AGPAT4: variants seen among roughly 807,000 people sequenced by gnomAD.
AGPAT4 encodes the protein 1-acyl-sn-glycerol-3-phosphate acyltransferase delta.
AGPAT4 carries 15 observed loss-of-function variants against 48.0 expected under a neutral mutation model. The observed-to-expected ratio is 0.31, with a 90% CI of 0.21 to 0.48. AGPAT4 has a LOEUF of 0.48. Ranked by LOEUF, AGPAT4 falls within the 20% of genes least tolerant of loss-of-function variation. The pLI, the probability that AGPAT4 is intolerant of heterozygous loss-of-function variation, is 0.99. For missense variants in AGPAT4, 314 were observed against 482.5 expected, an observed-to-expected ratio of 0.65 and a Z score of 3.27; for synonymous variants, 178 against 198.7, an observed-to-expected ratio of 0.90 and a Z score of 0.88.
At chr6:161,268,556 C>A (rs1783332088) in intron 1 of AGPAT4, among the ~76,000 whole-genome samples, 1 of 152,124 alleles carries the variant, frequency 6.6e-6, no homozygotes, top group Non-Finnish European at 1.5e-5. Context: ...TCAAAATGCA[C>A]CTCTCGTCTT....
At position 161,231,549 on chromosome 6, in the gene AGPAT4, T is replaced by G. The variant is rs778677851; in HGVS notation, c.178+487A>C. Among the ~76,000 whole-genome samples, 1 of 152,116 alleles carries G rather than the reference T, an allele frequency of 6.6e-6. No individual in the cohort carries two copies. Among genetic ancestry groups the G allele is most frequent in the Non-Finnish European group, 1.5e-5 (1 of 68,036 alleles). ...CTCAGTATTATTTGTTACAGCTTCA[T>G]GTGAATCTATTATCTCAAAATAAAA... On this transcript the variant is annotated intron_variant, in intron 2 of 8. Transcript: ENST00000320285. This position sits in a 1 kb window ranked among gnomAD's most constrained non-coding sequence, Gnocchi z 5.3.
Position 161,154,339 on chromosome 6 carries a change from C to A in AGPAT4, c.349-29G>T, listed in dbSNP as rs765519050. The stretch of plus-strand genomic sequence containing the variant: ...AAACAGAAGAAGGAGCCCAGGTGCC[C>A]ATGAAGGAGACGTCAGAGCCACCTG... On this transcript the variant is annotated intron_variant, in intron 3 of 8. Transcript: ENST00000320285. This position sits in a 1 kb window ranked among gnomAD's most constrained non-coding sequence, Gnocchi z 7.8. 1 of 1,613,130 alleles carries A rather than the reference C, an allele frequency of 6.2e-7. No homozygotes were observed.
chr6:161,239,920 A>G (rs1205451616), intron 1 of AGPAT4, among the ~76,000 whole-genome samples: 4 of 152,188 alleles, frequency 2.6e-5, no homozygotes, highest in Non-Finnish European at 5.9e-5. Flanking sequence ...TAAGGACAAA[A>G]TTAACTTTCA....
intron 2 of AGPAT4, among the ~76,000 whole-genome samples, chr6:161,176,965 T>C (rs922615877): frequency 1.1e-4 from 17 of 152,246 alleles, no homozygotes; most frequent in Non-Finnish European, 1.9e-4. Flanking sequence ...TGTTCAATAT[T>C]GGCCCCCACT....
rs1780546262 is a variant in AGPAT4 at position 161,180,262 on chromosome 6, G to A, written c.179-13845C>T. On this transcript the variant is annotated intron_variant, in intron 2 of 8. Transcript: ENST00000320285. This position sits in a 1 kb window ranked among gnomAD's most constrained non-coding sequence, Gnocchi z 6.4. ...AGGCTCCTGCTCCTTCCTCGCTCCAGTGGGTGGGCCCAGCTCCTCTCTGCA... is the reference window on the plus strand; with the variant it reads ...AGGCTCCTGCTCCTTCCTCGCTCCAATGGGTGGGCCCAGCTCCTCTCTGCA... 6.6e-6 allele frequency among the ~76,000 whole-genome samples: 1 copy of A among 152,176 alleles called. No homozygotes were observed.
In AGPAT4 at chr6:161,262,937, G is replaced by A. The variant is rs1057113071; in HGVS notation, c.-90+11001C>T. ...GGAATGACCGAGGAAGAGAGGCCAG[G>A]AGGAGCAAAGCAAGCCCTGGGCTAT... On this transcript the variant is annotated intron_variant, in intron 1 of 8. Transcript: ENST00000320285. This position sits in a 1 kb window ranked among gnomAD's most constrained non-coding sequence, Gnocchi z 4.9. Among the ~76,000 whole-genome samples the A allele has an allele frequency of 6.6e-6, 1 of 152,190 alleles. No homozygotes were observed. Among genetic ancestry groups the A allele is most frequent in the Non-Finnish European group, 1.5e-5 (1 of 68,038 alleles).
Position 161,237,337 on chromosome 6 carries a change from G to A in AGPAT4, c.-89-5035C>T, listed in dbSNP as rs955414445. 2.0e-5 allele frequency among the ~76,000 whole-genome samples: 3 copies of A among 152,250 alleles called. No individual in the cohort carries two copies. In the South Asian group the frequency reaches 6.2e-4, roughly 31 times the overall value. On this transcript the variant is annotated intron_variant, in intron 1 of 8. Coordinates refer to ENST00000320285, the MANE Select transcript of AGPAT4 (RefSeq NM_020133.3). The stretch of plus-strand genomic sequence containing the variant: ...CTGAAAAAGTGTTGGCTATGAGTCT[G>A]TGTGAAAGGAATTCATGGCTATTTG...
Position 161,232,267 on chromosome 6 carries a change from C to G in AGPAT4, c.-54G>C. ...AATAACTACCCACAGTCAAAGATTTCCAGAAGGAAGAAAGATCCAGGACTC... is the reference window on the plus strand; with the variant it reads ...AATAACTACCCACAGTCAAAGATTTGCAGAAGGAAGAAAGATCCAGGACTC... On this transcript the variant is annotated 5_prime_UTR_variant, in exon 2 of 9. Coordinates refer to ENST00000320285, the MANE Select transcript of AGPAT4 (RefSeq NM_020133.3). This position sits in a 1 kb window ranked among gnomAD's most constrained non-coding sequence, Gnocchi z 6.8. 6.5e-7 allele frequency: 1 copy of G among 1,538,662 alleles called. No individual in the cohort carries two copies. Among genetic ancestry groups the G allele is most frequent in the Non-Finnish European group, 8.8e-7 (1 of 1,132,906 alleles).
chr6:161,217,156 C>A lies in AGPAT4; in HGVS notation c.178+14880G>T, dbSNP rs932614653. Among the ~76,000 whole-genome samples the A allele has an allele frequency of 1.3e-5, 2 of 152,178 alleles. No homozygotes were observed. Among genetic ancestry groups the A allele is most frequent in the African/African-American group, 4.8e-5 (2 of 41,438 alleles). On this transcript the variant is annotated intron_variant, in intron 2 of 8. Transcript: ENST00000320285. The surrounding 1 kb of genome is among the most constrained non-coding windows in gnomAD (Gnocchi z 4.9). ...TGGAGAAGGCAAGCCAGGGGAGGGG[C>A]GGAGTGAGCACAGGCGTGGGGACGC... is the stretch of plus-strand genomic sequence containing the variant.
In AGPAT4 at chr6:161,177,126, T is replaced by C. The variant is rs1028883527; in HGVS notation, c.179-10709A>G. ...AATCTGACAATTATGTGTCTTAGAG[T>C]TGCTCTTCTCGAGGAGTATCTTTGT... On this transcript the variant is annotated intron_variant, in intron 2 of 8. Transcript: ENST00000320285. This position sits in a 1 kb window ranked among gnomAD's most constrained non-coding sequence, Gnocchi z 5.0. Among the ~76,000 whole-genome samples, 3 of 152,174 alleles carry C rather than the reference T, an allele frequency of 2.0e-5. No individual in the cohort carries two copies. The highest frequency in any genetic ancestry group is 4.4e-5 in the Non-Finnish European group (3 of 68,026).
chr6:161,140,369 C>G lies in AGPAT4; in HGVS notation c.844-749G>C, dbSNP rs1779210849. The stretch of plus-strand genomic sequence containing the variant: ...CACTAAGCAGATCCTTAGTGGGAAC[C>G]ATGTACTCATCCACATCCACCCACA... On this transcript the variant is annotated intron_variant, in intron 7 of 8. Coordinates refer to ENST00000320285, the MANE Select transcript of AGPAT4 (RefSeq NM_020133.3). The surrounding 1 kb of genome is among the most constrained non-coding windows in gnomAD (Gnocchi z 6.5). 1.3e-5 allele frequency among the ~76,000 whole-genome samples: 2 copies of G among 152,210 alleles called. No individual in the cohort carries two copies. The highest frequency in any genetic ancestry group is 4.8e-5 in the African/African-American group (2 of 41,458).
intron 1 of AGPAT4, among the ~76,000 whole-genome samples, chr6:161,237,722 T>C (rs1043238183): frequency 2.6e-5 from 4 of 152,210 alleles, no homozygotes; most frequent in Admixed American, 2.0e-4. Flanking sequence ...GGATTATGGC[T>C]GATCTCCTTT....
intron 2 of AGPAT4, among the ~76,000 whole-genome samples, chr6:161,168,108 G>T (rs1351066789): frequency 6.6e-6 from 1 of 152,086 alleles, no homozygotes; most frequent in East Asian, 1.9e-4. Context: ...AGTTGGTTGT[G>T]GGGGCAGGAA....
At chr6:161,136,770 C>T (rs1779080936) in intron 8 of AGPAT4, 136 bp from the exon 9 acceptor site, 2 of 677,468 alleles carry the variant, frequency 3.0e-6, no homozygotes, top group Non-Finnish European at 5.2e-6. Context: ...TTTGAGGTGC[C>T]ATCATCCTGC....
intron 1 of AGPAT4, among the ~76,000 whole-genome samples, chr6:161,248,224 T>C (rs1166173364): frequency 6.6e-6 from 1 of 151,618 alleles, no homozygotes; most frequent in Non-Finnish European, 1.5e-5. Context: ...ACACCAACAA[T>C]AGACAAGCCA....
chr6:161,170,007 G>C (rs573728566), intron 2 of AGPAT4, among the ~76,000 whole-genome samples: 83 of 152,260 alleles, frequency 5.5e-4, no homozygotes, highest in African/African-American at 1.9e-3. Flanking sequence ...CTGAATCCCA[G>C]GCCAGGTGGT....
At position 161,204,965 on chromosome 6, in the gene AGPAT4, G is replaced by T. The variant is rs1368106232; in HGVS notation, c.178+27071C>A. The stretch of plus-strand genomic sequence containing the variant: ...AACCGGGTATGAACAACGACATGAC[G>T]CTGTTGATGAAAAGACACTGGACAG... On this transcript the variant is annotated intron_variant, in intron 2 of 8. Transcript: ENST00000320285. This position sits in a 1 kb window ranked among gnomAD's most constrained non-coding sequence, Gnocchi z 4.4. Among the ~76,000 whole-genome samples the T allele has an allele frequency of 6.6e-6, 1 of 152,124 alleles. No homozygotes were observed. Among genetic ancestry groups the T allele is most frequent in the Non-Finnish European group, 1.5e-5 (1 of 68,026 alleles).
In AGPAT4 at chr6:161,159,665, C is replaced by T. The variant is rs929352322; in HGVS notation, c.349-5355G>A. 5.9e-5 allele frequency among the ~76,000 whole-genome samples: 9 copies of T among 152,224 alleles called. No individual in the cohort carries two copies. The highest frequency in any genetic ancestry group is 1.9e-4 in the East Asian group (1 of 5,174). On this transcript the variant is annotated intron_variant, in intron 3 of 8. Coordinates refer to ENST00000320285, the MANE Select transcript of AGPAT4 (RefSeq NM_020133.3). This position sits in a 1 kb window ranked among gnomAD's most constrained non-coding sequence, Gnocchi z 4.1. ...AGACTCCATTCTCTTTTTTTTGAGA[C>T]GAAGTTTCACTCTTGTTGCCCAGGC...
rs762630531 is a variant in AGPAT4 at position 161,267,563 on chromosome 6, C to A, written c.-90+6375G>T. On this transcript the variant is annotated intron_variant, in intron 1 of 8. Transcript: ENST00000320285. This position sits in a 1 kb window ranked among gnomAD's most constrained non-coding sequence, Gnocchi z 5.2. ...ACCCTGTCTCTACTAAAAATACACA[C>A]GCAAAAAAATTAGCCAGGTGTGGTG... Among the ~76,000 whole-genome samples, 4 of 151,730 alleles carry A rather than the reference C, an allele frequency of 2.6e-5. No individual in the cohort carries two copies. The highest frequency in any genetic ancestry group is 6.6e-5 in the Admixed American group (1 of 15,234).
Sources: allele counts gnomAD v4.1 joint callset (sites outside exome capture counted in the v4.1 genomes callset), GRCh38; gene constraint gnomAD v4.1.1; non-coding constraint Gnocchi (gnomAD v3.1); transcripts MANE v1.5; gene names NCBI Gene and HGNC (gene_info 2026-07-23, HGNC 2026-07-21).